NOS1AP: variants seen among roughly 807,000 people sequenced by gnomAD.
NOS1AP encodes the protein carboxyl-terminal PDZ ligand of neuronal nitric oxide synthase protein.
A neutral mutation model predicts 56.2 loss-of-function variants in NOS1AP; 21 were observed. That is an observed-to-expected ratio of 0.37 (90% CI 0.26 to 0.54). The LOEUF (loss-of-function observed/expected upper bound fraction) is 0.54, where lower values mean the gene tolerates loss of function less well. Ranked by LOEUF, NOS1AP falls within the 20% of genes least tolerant of loss-of-function variation. NOS1AP has a pLI of 0.84. For missense variants in NOS1AP, 522 were observed against 657.8 expected (o/e 0.79, Z 2.26); for synonymous variants, 270 against 274.6 (o/e 0.98, Z 0.17).
In NOS1AP at chr1:162,319,802, G is replaced by A. The variant is rs187196228; in HGVS notation, c.345-13215G>A. 2.8e-3 allele frequency among the ~76,000 whole-genome samples: 400 copies of A among 145,050 alleles called. 4 individuals are homozygous for A. The highest frequency in any genetic ancestry group is 9.3e-3 in the African/African-American group (381 of 40,992). ...GCCTCTCTGGACTTGGGGTGCTGAG[G>A]GCTCCCAGGGACACTGCACTGCCCT... On this transcript the variant is annotated intron_variant, in intron 4 of 9. Transcript: ENST00000361897.
At chr1:162,249,323 C>T (rs912924700) in intron 2 of NOS1AP, among the ~76,000 whole-genome samples, 1 of 152,124 alleles carries the variant, frequency 6.6e-6, no homozygotes, top group Non-Finnish European at 1.5e-5. Context: ...CAGCCAGGCT[C>T]CCACAGTGAC....
At chr1:162,091,840 A>G (rs1481243581) in intron 1 of NOS1AP, among the ~76,000 whole-genome samples, 1 of 152,110 alleles carries the variant, frequency 6.6e-6, no homozygotes, top group Non-Finnish European at 1.5e-5. Flanking sequence ...TGTTTGCTCT[A>G]ATTGATCTGT....
chr1:162,083,526 C>T (rs566145893), intron 1 of NOS1AP, among the ~76,000 whole-genome samples: 4 of 152,284 alleles, frequency 2.6e-5, no homozygotes, highest in Admixed American at 6.5e-5. Context: ...CAGGTGTGAG[C>T]CACTGTGCCT....
chr1:162,221,615 A>G (rs4328057), intron 2 of NOS1AP, among the ~76,000 whole-genome samples: 6,171 of 151,258 alleles, frequency 0.041, 170 homozygotes, highest in African/African-American at 0.078. Context: ...CTGTCTCTAT[A>G]ACTCACTAGC....
chr1:162,218,659 A>G (rs1215685099), intron 2 of NOS1AP, among the ~76,000 whole-genome samples: 2 of 152,072 alleles, frequency 1.3e-5, no homozygotes, highest in African/African-American at 2.4e-5. Flanking sequence ...TCCAAGACCA[A>G]TTTCCCTTGC....
chr1:162,228,113 G>T (rs1425986883), intron 2 of NOS1AP, among the ~76,000 whole-genome samples: 1 of 152,212 alleles, frequency 6.6e-6, no homozygotes, highest in Non-Finnish European at 1.5e-5. Flanking sequence ...AAGAGATCAT[G>T]AATTGAAGAG....
chr1:162,370,223 C>G lies in NOS1AP; in HGVS notation c.*2756C>G, dbSNP rs1647356057. On this transcript the variant is annotated 3_prime_UTR_variant, in exon 10 of 10. Transcript: ENST00000361897. ...ATTCCTGCTTATATCAATGCTCTCT[C>G]TGTAAAACCTCTTCCTAGCCTCATT... The G allele has an allele frequency of 6.6e-6, 1 of 152,214 alleles. No homozygotes were observed. The highest frequency in any genetic ancestry group is 1.5e-5 in the Non-Finnish European group (1 of 68,052). 9.4% of individuals were successfully genotyped at this position (152,214 alleles called of 1,614,324 possible).
chr1:162,082,355 A>G (rs1437156375), intron 1 of NOS1AP, among the ~76,000 whole-genome samples: 1 of 152,158 alleles, frequency 6.6e-6, no homozygotes, highest in Non-Finnish European at 1.5e-5. Flanking sequence ...GGCATGTAGG[A>G]TGGTTCTGTG....
At chr1:162,099,132 A>G (rs1692316153) in intron 1 of NOS1AP, among the ~76,000 whole-genome samples, 1 of 151,862 alleles carries the variant, frequency 6.6e-6, no homozygotes, top group Non-Finnish European at 1.5e-5. Context: ...TCTCACTAAC[A>G]GTGTAAACGC....
At chr1:162,355,388 C>T in intron 7 of NOS1AP, 35 bp downstream of exon 7, 2 of 1,612,950 alleles carry the variant, frequency 1.2e-6, no homozygotes, top group Non-Finnish European at 1.7e-6. Flanking sequence ...GTGATCTGCA[C>T]ACGTGTGCCC....
intron 2 of NOS1AP, among the ~76,000 whole-genome samples, chr1:162,226,579 A>G (rs1056695064): frequency 1.3e-5 from 2 of 152,192 alleles, no homozygotes; most frequent in African/African-American, 4.8e-5. Context: ...TTGTAAGGGG[A>G]CCCTAACAGA....
intron 3 of NOS1AP, among the ~76,000 whole-genome samples, chr1:162,288,719 T>A (rs1424879290): frequency 6.6e-6 from 1 of 152,194 alleles, no homozygotes; most frequent in African/African-American, 2.4e-5. Context: ...TTTTAGAAAG[T>A]GTTTTATGGC....
chr1:162,167,914 A>G (rs543320872), intron 2 of NOS1AP, among the ~76,000 whole-genome samples: 13 of 152,292 alleles, frequency 8.5e-5, no homozygotes, highest in East Asian at 1.9e-4. Context: ...ATTTCATGGA[A>G]AAAAGCAACA....
intron 2 of NOS1AP, among the ~76,000 whole-genome samples, chr1:162,201,608 A>C (rs1651992778): frequency 6.6e-6 from 1 of 152,160 alleles, no homozygotes; most frequent in African/African-American, 2.4e-5. Context: ...CCTTGCCAGC[A>C]TCTGTTATTT....
intron 7 of NOS1AP, among the ~76,000 whole-genome samples, chr1:162,356,194 G>C (rs933276947): frequency 4.6e-5 from 7 of 152,136 alleles, no homozygotes; most frequent in Non-Finnish European, 7.4e-5. Flanking sequence ...GGCCTTCCTT[G>C]TGTATGTCTG....
chr1:162,099,192 TTTTTG>T (rs1202586270), intron 1 of NOS1AP, among the ~76,000 whole-genome samples: 3 of 107,630 alleles, frequency 2.8e-5, no homozygotes, highest in Non-Finnish European at 7.4e-5. Context: ...TTTGACTTTT[TTTTTG>T]TTTTTTTTTT....
chr1:162,166,047 C>T (rs1650481623), intron 2 of NOS1AP, among the ~76,000 whole-genome samples: 1 of 152,212 alleles, frequency 6.6e-6, no homozygotes. Context: ...CCTTTCTTCT[C>T]TGTCACTACC....
At chr1:162,357,235 G>T in intron 8 of NOS1AP, 99 bp downstream of exon 8, 1 of 1,532,180 alleles carries the variant, frequency 6.5e-7, no homozygotes, top group Admixed American at 2.0e-5. Context: ...AATCTAGGGA[G>T]TCATAAGGAA....
intron 2 of NOS1AP, among the ~76,000 whole-genome samples, chr1:162,264,017 C>T (rs1654319357): frequency 6.6e-6 from 1 of 152,202 alleles, no homozygotes; most frequent in Non-Finnish European, 1.5e-5. Context: ...GCCAACTGGA[C>T]TATTACAGTA....
Sources: allele counts gnomAD v4.1 joint callset (sites outside exome capture counted in the v4.1 genomes callset), GRCh38; gene constraint gnomAD v4.1.1; transcripts MANE v1.5; gene names NCBI Gene and HGNC (gene_info 2026-07-23, HGNC 2026-07-21).